TMTC2: variants seen among roughly 807,000 people sequenced by gnomAD.
The protein encoded by TMTC2 is transmembrane O-mannosyltransferase targeting cadherins 2.
Under a neutral mutation model 82.4 loss-of-function variants are expected in TMTC2, and 43 were observed. That is an observed-to-expected ratio of 0.52 (90% confidence interval 0.41 to 0.67). TMTC2 has a LOEUF of 0.67. TMTC2 is among the 30% of genes least tolerant of loss of function. The pLI, the probability that TMTC2 is intolerant of heterozygous loss-of-function variation, is 0.00. For synonymous variants in TMTC2, 408 were observed against 381.9 expected (o/e 1.07, Z -0.80); for missense variants, 919 against 1,012.4 (o/e 0.91, Z 1.25).
In TMTC2 at chr12:82,975,246, A is replaced by G. The variant is rs75366289; in HGVS notation, c.1948+8249A>G. Among the ~76,000 whole-genome samples the G allele has an allele frequency of 1.7e-3, 255 of 152,282 alleles. 2 individuals carry two copies. Among genetic ancestry groups the G allele is most frequent in the African/African-American group, 5.9e-3 (246 of 41,558 alleles). ...GAAAATTCAGTGCATTACTAATTGTATGTATTTTGCTGTGTACTCAAGTCT... is the reference window on the plus strand; with the variant it reads ...GAAAATTCAGTGCATTACTAATTGTGTGTATTTTGCTGTGTACTCAAGTCT... On this transcript the variant is annotated intron_variant, in intron 7 of 11. Coordinates refer to ENST00000321196, the MANE Select transcript of TMTC2 (RefSeq NM_152588.3).
At position 83,005,349 on chromosome 12, in the gene TMTC2, AG is replaced by A. The variant is rs201875221; in HGVS notation, c.2070+19304del. Among the ~76,000 whole-genome samples the A allele has an allele frequency of 1.0e-3, 156 of 148,814 alleles. 1 individual carries two copies. Among genetic ancestry groups the A allele is most frequent in the African/African-American group, 3.8e-3 (151 of 40,128 alleles). ...GGTCTCCAAAAAAAAAAAAAAAAAAAGAGTAATGGCTGGCCGATTGGCTCCT... is the reference window on the plus strand; with the variant it reads ...GGTCTCCAAAAAAAAAAAAAAAAAAAAGTAATGGCTGGCCGATTGGCTCCT... On this transcript the variant is annotated intron_variant, in intron 8 of 11. Transcript: ENST00000321196.
intron 3 of TMTC2, among the ~76,000 whole-genome samples, chr12:82,909,836 A>G (rs947751012): frequency 6.6e-6 from 1 of 152,216 alleles, no homozygotes; most frequent in Admixed American, 6.5e-5. Context: ...TTAAGGAATG[A>G]TTAGCTATGT....
At chr12:83,048,855 G>A (rs1460834245) in intron 9 of TMTC2, among the ~76,000 whole-genome samples, 2 of 152,166 alleles carry the variant, frequency 1.3e-5, no homozygotes, top group Non-Finnish European at 2.9e-5. Context: ...TTTTAATAGA[G>A]ACTGGCTTTC....
At chr12:82,982,408 CTTT>C (rs564106721) in intron 7 of TMTC2, among the ~76,000 whole-genome samples, 27 of 146,022 alleles carry the variant, frequency 1.8e-4, no homozygotes, top group African/African-American at 6.0e-4. Flanking sequence ...ATTGAGTTAC[CTTT>C]TTTTAACATA....
At chr12:83,047,870 T>C (rs201613517) in intron 9 of TMTC2, among the ~76,000 whole-genome samples, 1 of 152,252 alleles carries the variant, frequency 6.6e-6, no homozygotes, top group Non-Finnish European at 1.5e-5. Context: ...ATTTCCTTTT[T>C]TGTTGTTGAA....
rs374905640 is a variant in TMTC2 at position 82,785,690 on chromosome 12, C to T, written c.84-71320C>T. Among the ~76,000 whole-genome samples, 20 of 152,122 alleles carry T rather than the reference C, an allele frequency of 1.3e-4. No individual in the cohort carries two copies. In the South Asian group the frequency reaches 3.9e-3, roughly 30 times the overall value. ...AATGCCCTCAATAAAATAATGATAT[C>T]GAAGATTAAAATGGCAGTCTTTCAC... On this transcript the variant is annotated intron_variant, in intron 1 of 11. Coordinates refer to ENST00000321196, the MANE Select transcript of TMTC2 (RefSeq NM_152588.3).
intron 1 of TMTC2, among the ~76,000 whole-genome samples, chr12:82,688,106 T>C (rs977112166): frequency 5.3e-5 from 8 of 152,250 alleles, no homozygotes; most frequent in African/African-American, 1.9e-4. Flanking sequence ...TGGGACACTT[T>C]TATTTCCCGA....
chr12:82,928,043 A>G (rs1875822972), intron 3 of TMTC2, among the ~76,000 whole-genome samples: 1 of 152,198 alleles, frequency 6.6e-6, no homozygotes, highest in Admixed American at 6.5e-5. Flanking sequence ...TGTTGCCAAC[A>G]AGAGAAGCAC....
chr12:82,760,716 C>T (rs899107336), intron 1 of TMTC2, among the ~76,000 whole-genome samples: 16 of 152,002 alleles, frequency 1.1e-4, no homozygotes, highest in Non-Finnish European at 2.2e-4. Context: ...GCTGGTATTG[C>T]CCCCTGAGCT....
At chr12:83,065,998 A>AT (rs1292837373) in intron 11 of TMTC2, among the ~76,000 whole-genome samples, 1 of 151,956 alleles carries the variant, frequency 6.6e-6, no homozygotes, top group South Asian at 2.1e-4. Context: ...TATTCAACTT[A>AT]TTTTTTATCA....
At chr12:82,912,082 A>G (rs1287672013) in intron 3 of TMTC2, among the ~76,000 whole-genome samples, 6 of 152,326 alleles carry the variant, frequency 3.9e-5, no homozygotes, top group Admixed American at 3.9e-4. Context: ...AAACAGCATA[A>G]TTCAGTTCCT....
intron 1 of TMTC2, among the ~76,000 whole-genome samples, chr12:82,845,275 T>A (rs1031181837): frequency 2.8e-5 from 3 of 108,314 alleles, no homozygotes; most frequent in African/African-American, 1.2e-4. Flanking sequence ...ATATATATAT[T>A]GAACTAGTCA....
At chr12:83,121,882 G>GAA (rs1212990425) in intron 11 of TMTC2, among the ~76,000 whole-genome samples, 2 of 152,150 alleles carry the variant, frequency 1.3e-5, no homozygotes, top group Non-Finnish European at 2.9e-5. Context: ...TATGTTCTTA[G>GAA]GAGGATTATG....
At chr12:82,708,556 C>T (rs759577735) in intron 1 of TMTC2, among the ~76,000 whole-genome samples, 11 of 152,140 alleles carry the variant, frequency 7.2e-5, no homozygotes, top group Non-Finnish European at 1.3e-4. Flanking sequence ...AGTGTGCTGG[C>T]GAGCAGCGAT....
intron 11 of TMTC2, among the ~76,000 whole-genome samples, chr12:83,110,933 C>T (rs1884579809): frequency 6.6e-6 from 1 of 152,216 alleles, no homozygotes; most frequent in Admixed American, 6.5e-5. Context: ...CTTAGTGTCT[C>T]CACATGTAGA....
chr12:82,724,179 C>T (rs1874335755), intron 1 of TMTC2, among the ~76,000 whole-genome samples: 1 of 152,184 alleles, frequency 6.6e-6, no homozygotes, highest in Admixed American at 6.5e-5. Context: ...CAGAAACAAT[C>T]ATTTATTAAC....
intron 7 of TMTC2, among the ~76,000 whole-genome samples, chr12:82,975,008 A>G (rs1021257619): frequency 6.6e-6 from 1 of 152,122 alleles, no homozygotes; most frequent in Non-Finnish European, 1.5e-5. Flanking sequence ...TCTGTGATTC[A>G]CTTAGGGAAG....
In TMTC2 at chr12:82,970,560, C is replaced by G. The variant is rs571399754; in HGVS notation, c.1948+3563C>G. Among the ~76,000 whole-genome samples the G allele has an allele frequency of 5.3e-5, 8 of 151,736 alleles. No individual in the cohort carries two copies. The East Asian group carries it at 1.4e-3, about 26-fold the overall frequency. On this transcript the variant is annotated intron_variant, in intron 7 of 11. Coordinates refer to ENST00000321196, the MANE Select transcript of TMTC2 (RefSeq NM_152588.3). ...TTGTTAGCCAGGATGGTCTCGATCTCCTGACCTCATGATCCACCCGCCTCG... is the reference window on the plus strand; with the variant it reads ...TTGTTAGCCAGGATGGTCTCGATCTGCTGACCTCATGATCCACCCGCCTCG...
rs374059079 is a variant in TMTC2, at chr12:82,997,368, G to GTA, written c.2070+11334_2070+11335dup. Among the ~76,000 whole-genome samples, 160 of 35,500 alleles carry GTA rather than the reference G, an allele frequency of 4.5e-3. 8 individuals carry two copies. Among genetic ancestry groups the GTA allele is most frequent in the African/African-American group, 0.012 (147 of 12,726 alleles). 23.3% of individuals were successfully genotyped at this position (35,500 alleles called of 152,430 possible). ...TGTGTGTATATATATATATATATGT[G>GTA]TATATATATATATGTGTATATATAT... On this transcript the variant is annotated intron_variant, in intron 8 of 11. Coordinates refer to ENST00000321196, the MANE Select transcript of TMTC2 (RefSeq NM_152588.3).
Sources: gnomAD v4.1 joint callset for allele counts (sites outside exome capture counted in the v4.1 genomes callset) on GRCh38, gnomAD v4.1.1 for gene constraint, MANE v1.5 for transcripts, NCBI Gene and HGNC (gene_info 2026-07-23, HGNC 2026-07-21) for gene names.